Variants in ZNF385D observed in about 807,000 individuals in gnomAD.
ZNF385D encodes the protein zinc finger protein 385D.
In ZNF385D, 15 loss-of-function variants were observed where a neutral mutation model predicts 35.8. The ratio of observed to expected loss-of-function variants is 0.42; its 90% CI spans 0.28 to 0.64. ZNF385D has a LOEUF of 0.64. Among genes scored for constraint, ZNF385D ranks in the 30% least tolerant of loss-of-function variants. The pLI is 0.23. For synonymous variants in ZNF385D, 212 were observed against 186.8 expected (o/e 1.13, Z -1.10); for missense variants, 474 against 494.6 (o/e 0.96, Z 0.39).
At chr3:21,978,274 T>C (rs1703763093) in intron 3 of ZNF385D, 2 of 152,214 alleles carry the variant, frequency 1.3e-5, no homozygotes, top group Admixed American at 1.3e-4. Flanking sequence ...CATTCACCAA[T>C]CAGGCACTTG....
At chr3:22,087,579 T>C (rs1310028090) in intron 3 of ZNF385D, among the ~76,000 whole-genome samples, 1 of 152,174 alleles carries the variant, frequency 6.6e-6, no homozygotes, top group Non-Finnish European at 1.5e-5. Context: ...AAATTAGTTA[T>C]TAGTAACGAT....
intron 3 of ZNF385D, among the ~76,000 whole-genome samples, chr3:21,930,364 A>T (rs1320938241): frequency 6.6e-6 from 1 of 151,998 alleles, no homozygotes; most frequent in African/African-American, 2.4e-5. Context: ...AAAAGAACTT[A>T]TCATCTTAAT....
chr3:22,216,260 G>C (rs1183954355), intron 2 of ZNF385D, among the ~76,000 whole-genome samples: 1 of 151,696 alleles, frequency 6.6e-6, no homozygotes, highest in Non-Finnish European at 1.5e-5. Flanking sequence ...TAAATGTTTT[G>C]ATTTAAAATT....
chr3:22,170,067 T>C (rs1694303704), intron 2 of ZNF385D, among the ~76,000 whole-genome samples: 1 of 152,214 alleles, frequency 6.6e-6, no homozygotes, highest in Non-Finnish European at 1.5e-5. Context: ...CTACTTCCAC[T>C]ACCCAAGCCT....
intron 3 of ZNF385D, among the ~76,000 whole-genome samples, chr3:22,066,408 C>G (rs544550641): frequency 7.9e-5 from 11 of 139,408 alleles, no homozygotes; most frequent in Non-Finnish European, 1.7e-4. Context: ...AGATGGTTCC[C>G]TGTGTGTGTG....
intron 4 of ZNF385D, among the ~76,000 whole-genome samples, chr3:21,460,361 C>T (rs1238905097): frequency 6.6e-6 from 1 of 152,166 alleles, no homozygotes; most frequent in East Asian, 1.9e-4. Flanking sequence ...GACACCAGAT[C>T]GTGTCAAAAA....
rs1247971893 is a variant in ZNF385D at position 21,419,425 on chromosome 3, A to G, written c.*1789T>C. On this transcript the variant is annotated 3_prime_UTR_variant, in exon 8 of 8. Coordinates refer to ENST00000281523, the MANE Select transcript of ZNF385D (RefSeq NM_024697.3). ...AAATATAAAATGATAAATGCTAAAT[A>G]CCTATGTCTCAAATGGTTTCCTCTT... is the stretch of plus-strand genomic sequence containing the variant. 2.0e-5 allele frequency: 3 copies of G among 152,200 alleles called. No homozygotes were observed. Among genetic ancestry groups the G allele is most frequent in the South Asian group, 2.1e-4 (1 of 4,820 alleles). The allele number at this position is 152,200 out of a possible 1,614,324, so 9.4% of individuals were successfully genotyped here.
At chr3:21,502,452 C>T (rs527488535) in intron 4 of ZNF385D, among the ~76,000 whole-genome samples, 5 of 152,284 alleles carry the variant, frequency 3.3e-5, no homozygotes, top group Admixed American at 3.3e-4. Context: ...GTAAGGAATC[C>T]AGTTGTTCTA....
At chr3:21,959,816 A>C (rs1009395192) in intron 3 of ZNF385D, among the ~76,000 whole-genome samples, 1 of 152,174 alleles carries the variant, frequency 6.6e-6, no homozygotes, top group African/African-American at 2.4e-5. Context: ...AAATCTGCAA[A>C]AGGCAGAAGC....
chr3:21,711,882 T>C (rs937216773), intron 1 of ZNF385D, among the ~76,000 whole-genome samples: 1 of 152,208 alleles, frequency 6.6e-6, no homozygotes, highest in Admixed American at 6.5e-5. Context: ...GTGACAATCC[T>C]ACAGAATACA....
intron 3 of ZNF385D, among the ~76,000 whole-genome samples, chr3:21,868,050 G>A (rs1469870849): frequency 6.6e-6 from 1 of 152,106 alleles, no homozygotes; most frequent in Non-Finnish European, 1.5e-5. Context: ...ATGCATATAT[G>A]TATGTATGTG....
chr3:22,240,625 TAGTCTTTGAGGTTGC>T (rs1699441472), intron 2 of ZNF385D, among the ~76,000 whole-genome samples: 1 of 151,068 alleles, frequency 6.6e-6, no homozygotes, highest in African/African-American at 2.4e-5. Context: ...GGGCCACCTC[TAGTCTTTGAGGTTGC>T]AGCAATTGAC....
chr3:21,929,952 T>C (rs576566947), intron 3 of ZNF385D, among the ~76,000 whole-genome samples: 7 of 152,192 alleles, frequency 4.6e-5, no homozygotes, highest in Admixed American at 3.9e-4. Flanking sequence ...AAGCTTATCC[T>C]AAAATTCATA....
chr3:21,487,640 T>TAATAC (rs1446249227), intron 4 of ZNF385D, among the ~76,000 whole-genome samples: 16 of 152,052 alleles, frequency 1.1e-4, no homozygotes, highest in African/African-American at 3.6e-4. Flanking sequence ...GCTGAAAATA[T>TAATAC]AATACACATA....
chr3:21,551,809 T>G (rs760678585), intron 3 of ZNF385D, among the ~76,000 whole-genome samples: 23 of 152,134 alleles, frequency 1.5e-4, no homozygotes, highest in Non-Finnish European at 3.2e-4. Context: ...CAATATTAAT[T>G]TATGACATTT....
At chr3:22,207,056 C>T (rs1163410700) in intron 2 of ZNF385D, among the ~76,000 whole-genome samples, 1 of 151,538 alleles carries the variant, frequency 6.6e-6, no homozygotes, top group Non-Finnish European at 1.5e-5. Context: ...TAAATAAAAT[C>T]AGAGATGAAA....
chr3:21,933,777 AAAC>A (rs1410038805), intron 3 of ZNF385D, among the ~76,000 whole-genome samples: 1 of 152,164 alleles, frequency 6.6e-6, no homozygotes, highest in Non-Finnish European at 1.5e-5. Context: ...AGATGCCTGA[AAAC>A]AACAAAATCT....
chr3:21,712,347 T>C (rs1247048317), intron 1 of ZNF385D, among the ~76,000 whole-genome samples: 1 of 152,168 alleles, frequency 6.6e-6, no homozygotes, highest in African/African-American at 2.4e-5. Flanking sequence ...GCATTCCTTA[T>C]TCTCCAGTGA....
chr3:21,706,078 A>C (rs1391212571), intron 1 of ZNF385D, among the ~76,000 whole-genome samples: 1 of 152,000 alleles, frequency 6.6e-6, no homozygotes. Context: ...GGTCTAACTC[A>C]CTCTCATATG....
Sources: allele counts gnomAD v4.1 joint callset (sites outside exome capture counted in the v4.1 genomes callset), GRCh38; gene constraint gnomAD v4.1.1; transcripts MANE v1.5; gene names NCBI Gene and HGNC (gene_info 2026-07-23, HGNC 2026-07-21).